Variants in KMT2D observed in about 807,000 individuals in gnomAD.
KMT2D encodes lysine methyltransferase 2D, also known as histone-lysine N-methyltransferase 2D.
In KMT2D, 55 loss-of-function variants were observed where a neutral mutation model predicts 512.7. The observed-to-expected ratio is 0.11, with a 90% CI of 0.09 to 0.13. The LOEUF (loss-of-function observed/expected upper bound fraction) is 0.13, where lower values mean the gene tolerates loss of function less well. KMT2D is among the 10% of genes least tolerant of loss of function. The pLI, the probability that KMT2D is intolerant of heterozygous loss-of-function variation, is 1.00. For missense variants in KMT2D, 6,061 were observed against 7,127.9 expected (o/e 0.85, Z 5.39); for synonymous variants, 2,995 against 2,904.0 (o/e 1.03, Z -1.01).
In KMT2D at chr12:49,039,815, A is replaced by G. The variant is rs369352229; in HGVS notation, c.7955T>C (p.Met2652Thr). Residue 2652 changes from methionine (M) to threonine (T), a missense_variant, in exon 32 of 55, where the codon ATG (methionine) becomes ACG (threonine). Met to Thr is a moderately conservative substitution (Grantham distance 81). This residue lies in a region of KMT2D where 527 missense variants were observed against 578.9 expected (regional missense o/e 0.91). Coordinates refer to ENST00000301067, the MANE Select transcript of KMT2D (RefSeq NM_003482.4). The surrounding 1 kb of genome is among the most constrained non-coding windows in gnomAD (Gnocchi z 5.0). ...VEKREDPGTG[M>T]GSSLATAELP... ...TTCAGCTGTCGCCAAAGAGCTACCCATTCCAGTCCCTGGGTCTTCTCGCTT... is the reference window on the plus strand; with the variant it reads ...TTCAGCTGTCGCCAAAGAGCTACCCGTTCCAGTCCCTGGGTCTTCTCGCTT... 2.5e-6 allele frequency: 4 copies of G among 1,613,852 alleles called. No homozygotes were observed. In the African/African-American group the frequency reaches 4.0e-5, roughly 16 times the overall value.
In KMT2D at chr12:49,049,813, G is replaced by A. The variant is rs755139134; in HGVS notation, c.3775C>T (p.Leu1259Phe). 1 of 1,613,968 alleles carries A rather than the reference G, an allele frequency of 6.2e-7. No homozygotes were observed. The highest frequency in any genetic ancestry group is 2.2e-5 in the East Asian group (1 of 44,864). Reference sequence around the variant, plus strand: ...GTCTCTGGCAGTGAGTCAGTACAGAGCCGTAGGGAGCCCTCATCTCGGGCT... The same window carrying A: ...GTCTCTGGCAGTGAGTCAGTACAGAACCGTAGGGAGCCCTCATCTCGGGCT... ...SPARDEGSLRLCTDSLPETDD... is the reference protein window; with the variant it reads ...SPARDEGSLRFCTDSLPETDD... The change falls in exon 12 of 55, where the codon CTC (leucine) becomes TTC (phenylalanine). Residue 1259 changes from leucine to phenylalanine, a missense_variant. Around this residue, in one of 16 missense-constraint regions of KMT2D, gnomAD observed 447 missense variants for 500.1 expected, o/e 0.89. Coordinates refer to ENST00000301067, the MANE Select transcript of KMT2D (RefSeq NM_003482.4).
rs1942261141 is a variant in KMT2D at position 49,020,408 on chromosome 12, A to G, written c.*1372T>C. ...CCTACCATTTATAAACTGGTTTTGT[A>G]AAAAGAAAATAGATATATTTATATA... On this transcript the variant is annotated 3_prime_UTR_variant, in exon 55 of 55. Coordinates refer to ENST00000301067, the MANE Select transcript of KMT2D (RefSeq NM_003482.4). 5.6e-6 allele frequency: 1 copy of G among 178,356 alleles called. No individual in the cohort carries two copies. The highest frequency in any genetic ancestry group is 1.2e-5 in the Non-Finnish European group (1 of 83,134). The allele number at this position is 178,356 out of a possible 1,614,324, so 11.0% of individuals were successfully genotyped here. A position where few individuals can be genotyped will look rare whatever the true frequency, so the allele number is the denominator to read the frequency against.
chr12:49,049,065 C>G (rs2120629233), intron 13 of KMT2D, 40 bp downstream of exon 13: 2 of 1,303,974 alleles, frequency 1.5e-6, no homozygotes, highest in Non-Finnish European at 2.2e-6. Flanking sequence ...GGTGCTAAAG[C>G]ATGGTTGGGG....
intron 1 of KMT2D, among the ~76,000 whole-genome samples, chr12:49,057,153 G>A (rs1938457563): frequency 1.3e-5 from 2 of 152,132 alleles, no homozygotes; most frequent in South Asian, 2.1e-4. Context: ...AGGTGGAGAT[G>A]AGGGCAGCAG....
At position 49,052,186 on chromosome 12, in the gene KMT2D, C is replaced by T. The variant is rs774875325; in HGVS notation, c.1497G>A (p.Glu499=). 1.9e-6 allele frequency: 3 copies of T among 1,613,274 alleles called. No homozygotes were observed. In the African/African-American group the frequency reaches 4.0e-5, roughly 22 times the overall value. ...CAGGTGGGGGAGACAGAGGAGACTC[C>T]TCAGGCGGCGGAGAGAGGGGCGATT... ...LEESPLSPPP[E]ESPLSPPPES... The change falls in exon 11 of 55, where the codon GAG becomes GAA. Residue 499 remains glutamate, a synonymous_variant. Transcript: ENST00000301067.
At position 49,029,143 on chromosome 12, in the gene KMT2D, A is replaced by G. The variant is rs773672143; in HGVS notation, c.14169T>C (p.Pro4723=). The change falls in exon 45 of 55, where the codon CCT becomes CCC. Residue 4723 remains proline, a synonymous_variant. Transcript: ENST00000301067. ...GCTCCCACCGGCCTGAGCCCAGATG[A>G]GGGAAACGAGGGGCCTCCTCCCCCA... The part of the protein sequence containing the change: ...SILGEEAPRF[P]HLGSGRWEQE... 4 of 1,613,782 alleles carry G rather than the reference A, an allele frequency of 2.5e-6. No individual in the cohort carries two copies. The South Asian group carries it at 4.4e-5, about 18-fold the overall frequency.
chr12:49,021,341 TG>T lies in KMT2D; in HGVS notation c.*438del, dbSNP rs1942318881. 4.0e-6 allele frequency: 1 copy of T among 249,476 alleles called. No individual in the cohort carries two copies. The highest frequency in any genetic ancestry group is 1.4e-4 in the South Asian group (1 of 7,270). The allele number at this position is 249,476 out of a possible 1,614,324, so 15.5% of individuals were successfully genotyped here. ...AGGGCCAGGTGTGGGACCCGGCCTT[TG>T]GGATTGTCAAGCTTAGTCAAGTCTC... On this transcript the variant is annotated 3_prime_UTR_variant, in exon 55 of 55. Transcript: ENST00000301067.
Position 49,032,400 on chromosome 12 carries a change from T to G in KMT2D, c.12305A>C (p.Gln4102Pro). ...TGTGTGGAGCAGGCTAACTTGCTGCTGCTGTTGTCCTGGAAGCCTCAGAGG... is the reference window on the plus strand; with the variant it reads ...TGTGTGGAGCAGGCTAACTTGCTGCGGCTGTTGTCCTGGAAGCCTCAGAGG... ...QPPLRLPGQQ[Q>P]QQVSLLHTAG... Residue 4102 changes from glutamine (Q) to proline (P), a missense_variant, in exon 40 of 55, where the codon CAG becomes CCG. Physicochemically the swap from Gln to Pro is moderately conservative, Grantham distance 76. Coordinates refer to ENST00000301067, the MANE Select transcript of KMT2D (RefSeq NM_003482.4). 6.2e-7 allele frequency: 1 copy of G among 1,601,410 alleles called. No individual in the cohort carries two copies. Among genetic ancestry groups the G allele is most frequent in the South Asian group, 1.1e-5 (1 of 89,478 alleles).
rs1173863824 is a variant in KMT2D at position 49,042,901 on chromosome 12, G to C, written c.5645-23C>G. ...GTTCTGTGGGGGAATGAAGGACACT[G>C]TTGAGGAAGACTGGGAAGTTCAGGT... is the stretch of plus-strand genomic sequence containing the variant. On this transcript the variant is annotated intron_variant, in intron 26 of 54. Coordinates refer to ENST00000301067, the MANE Select transcript of KMT2D (RefSeq NM_003482.4). The surrounding 1 kb of genome is among the most constrained non-coding windows in gnomAD (Gnocchi z 4.4). The C allele has an allele frequency of 6.2e-7, 1 of 1,613,278 alleles. No individual in the cohort carries two copies. The highest frequency in any genetic ancestry group is 2.2e-5 in the East Asian group (1 of 44,886).
At position 49,043,618 on chromosome 12, in the gene KMT2D, A is replaced by C. The variant is rs2120570954; in HGVS notation, c.5467+17T>G. On this transcript the variant is annotated intron_variant, in intron 24 of 54. Transcript: ENST00000301067. ...AAAGTTGGATTCTCTCACACCACTC[A>C]CTCCCACATAACTAACCTTTCTGCG... is the stretch of plus-strand genomic sequence containing the variant. 6.2e-7 allele frequency: 1 copy of C among 1,612,800 alleles called. No homozygotes were observed. The highest frequency in any genetic ancestry group is 8.5e-7 in the Non-Finnish European group (1 of 1,179,418).
At position 49,024,928 on chromosome 12, in the gene KMT2D, A is replaced by G. The variant is rs1051071277; in HGVS notation, c.15803T>C (p.Ile5268Thr). Residue 5268 changes from isoleucine (I) to threonine (T), a missense_variant, in exon 50 of 55, where the codon ATT becomes ACT. By Grantham distance (89) the Ile-to-Thr change is moderately conservative (BLOSUM62 -1). This residue lies in a region of KMT2D where 261 missense variants were observed against 440.7 expected (regional missense o/e 0.59). Coordinates refer to ENST00000301067, the MANE Select transcript of KMT2D (RefSeq NM_003482.4). The surrounding 1 kb of genome is among the most constrained non-coding windows in gnomAD (Gnocchi z 4.5). ...ASPQAVWNRI[I>T]EPVAAMRKEA... is the part of the protein sequence containing the mutation. ...TTTTCTCATGGCAGCCACAGGCTCA[A>G]TGATGCGATTCCACACGGCTAAGAA... 6.3e-7 allele frequency: 1 copy of G among 1,596,074 alleles called. No homozygotes were observed. Among genetic ancestry groups the G allele is most frequent in the Middle Eastern group, 1.7e-4 (1 of 6,044 alleles).
chr12:49,038,038 G>A lies in KMT2D; in HGVS notation c.9318C>T (p.Ala3106=), dbSNP rs751406059. 21 of 1,611,068 alleles carry A rather than the reference G, an allele frequency of 1.3e-5. No individual in the cohort carries two copies. The highest frequency in any genetic ancestry group is 1.7e-5 in the Non-Finnish European group (20 of 1,178,864). The change falls in exon 35 of 55, where the codon GCC becomes GCT. Residue 3106 remains alanine (A), a synonymous_variant. Transcript: ENST00000301067. The surrounding 1 kb of genome is among the most constrained non-coding windows in gnomAD (Gnocchi z 5.7). ...GCACAGATGCCAGGCGGGGTTCAGA[G>A]GCATCAGCAGCAGGGGGAGGGCGCT... ...PEERPPPAAD[A]SEPRLASVLP...
chr12:49,050,417 G>T lies in KMT2D; in HGVS notation c.3171C>A (p.Pro1057=). The part of the protein sequence containing the change: ...LPLSVPSPLS[P]IGKVVGVSDE... ...CTGAGACCCCCACTACCTTCCCTAT[G>T]GGACTCAACGGGGAGGGAACGGACA... Residue 1057 remains proline (P), a synonymous_variant, in exon 12 of 55, where the codon CCC becomes CCA. Coordinates refer to ENST00000301067, the MANE Select transcript of KMT2D (RefSeq NM_003482.4). The T allele has an allele frequency of 1.2e-6, 2 of 1,613,886 alleles. No homozygotes were observed. The highest frequency in any genetic ancestry group is 1.7e-6 in the Non-Finnish European group (2 of 1,179,812).
Position 49,042,167 on chromosome 12 carries a change from C to T in KMT2D, c.6031G>A (p.Glu2011Lys), listed in dbSNP as rs1943568448. ...RSLQRWEKDE[E>K]LGQLSTISPV... Reference sequence around the variant, plus strand: ...GAGATGGTGGACAGCTGGCCCAACTCCTCATCCTTCTCCCAGCGCTGAAGA... The same window carrying T: ...GAGATGGTGGACAGCTGGCCCAACTTCTCATCCTTCTCCCAGCGCTGAAGA... The change falls in exon 29 of 55, where the codon GAG becomes AAG. Residue 2011 changes from glutamate to lysine, a missense_variant. Coordinates refer to ENST00000301067, the MANE Select transcript of KMT2D (RefSeq NM_003482.4). This position sits in a 1 kb window ranked among gnomAD's most constrained non-coding sequence, Gnocchi z 4.4. 1 of 1,612,706 alleles carries T rather than the reference C, an allele frequency of 6.2e-7. No individual in the cohort carries two copies.
At position 49,024,428 on chromosome 12, in the gene KMT2D, C is replaced by T. The variant is rs947472602; in HGVS notation, c.16052+150G>A. On this transcript the variant is annotated intron_variant, in intron 51 of 54. Coordinates refer to ENST00000301067, the MANE Select transcript of KMT2D (RefSeq NM_003482.4). The surrounding 1 kb of genome is among the most constrained non-coding windows in gnomAD (Gnocchi z 4.5). Reference sequence around the variant, plus strand: ...GGAGGAAAAGGATACCCTACTAATACCTGCATGCCCTCTAATTAGGAAGTC... The same window carrying T: ...GGAGGAAAAGGATACCCTACTAATATCTGCATGCCCTCTAATTAGGAAGTC... The T allele has an allele frequency of 2.0e-6, 2 of 996,504 alleles. No individual in the cohort carries two copies. The highest frequency in any genetic ancestry group is 3.3e-5 in the African/African-American group (2 of 60,984). The allele number at this position is 996,504 out of a possible 1,614,324, so 61.7% of individuals were successfully genotyped here. A position where few individuals can be genotyped will look rare whatever the true frequency, so the allele number is the denominator to read the frequency against.
In KMT2D at chr12:49,026,887, G is replaced by C. The variant is rs797045659; in HGVS notation, c.15079C>G (p.Arg5027Gly). The C allele has an allele frequency of 2.5e-6, 4 of 1,613,996 alleles. No homozygotes were observed. Among genetic ancestry groups the C allele is most frequent in the Non-Finnish European group, 3.4e-6 (4 of 1,179,908 alleles). Residue 5027 changes from arginine to glycine, a missense_variant, in exon 49 of 55, where the codon CGA (arginine) becomes GGA (glycine). Around this residue, in one of 16 missense-constraint regions of KMT2D, gnomAD observed 1,600 missense variants for 1,754.9 expected, o/e 0.91. Coordinates refer to ENST00000301067, the MANE Select transcript of KMT2D (RefSeq NM_003482.4). The surrounding 1 kb of genome is among the most constrained non-coding windows in gnomAD (Gnocchi z 9.6). ...CAGAAACAGCAGCGACGCATGTCTCGCGGTACCTTGTCAGGTCGCAAGGCT... is the reference window on the plus strand; with the variant it reads ...CAGAAACAGCAGCGACGCATGTCTCCCGGTACCTTGTCAGGTCGCAAGGCT... The part of the protein sequence containing the change: ...GTALRPDKVP[R>G]DMRRCCFCHE...
rs372122750 is a variant in KMT2D, at chr12:49,049,174, T to C, written c.3951A>G (p.Gly1317=). 9 of 1,610,818 alleles carry C rather than the reference T, an allele frequency of 5.6e-6. No homozygotes were observed. In the African/African-American group the frequency reaches 1.1e-4, roughly 19 times the overall value. Residue 1317 remains glycine, a synonymous_variant, in exon 13 of 55, where the codon GGA becomes GGG. Transcript: ENST00000301067. ...SFPGRRRPRG[G]AHGGRGRGRA... is the part of the protein sequence containing the mutation. The stretch of plus-strand genomic sequence containing the variant: ...GTCCTCTACCACGTCCTCCATGGGC[T>C]CCTCCACGAGGCCGGCGTCTTCCTG...
rs759017079 is a variant in KMT2D at position 49,040,824 on chromosome 12, G to A, written c.6946C>T (p.Leu2316=). 1 of 1,613,798 alleles carries A rather than the reference G, an allele frequency of 6.2e-7. No individual in the cohort carries two copies. Among genetic ancestry groups the A allele is most frequent in the South Asian group, 1.1e-5 (1 of 91,080 alleles). Residue 2316 remains leucine, a synonymous_variant, in exon 32 of 55, where the codon CTG becomes TTG. Transcript: ENST00000301067. ...FVDSPSSGTH[L]GGLELKTPDV... ...GGTGTCTTTAACTCCAGGCCACCCA[G>A]GTGGGTGCCTGAGGAGGGTGAGTCA...
At chr12:49,049,050 C>CA in intron 13 of KMT2D, 55 bp downstream of exon 13, 1 of 1,125,300 alleles carries the variant, frequency 8.9e-7, no homozygotes, top group Non-Finnish European at 1.3e-6. Context: ...TGGCAGGACT[C>CA]AGAGGGTGCT....
Sources: allele counts gnomAD v4.1 joint callset (sites outside exome capture counted in the v4.1 genomes callset), GRCh38; gene constraint gnomAD v4.1.1; regional missense constraint gnomAD v4.1.1; non-coding constraint Gnocchi (gnomAD v3.1); transcripts MANE v1.5; gene names NCBI Gene and HGNC (gene_info 2026-07-23, HGNC 2026-07-21).